LARGE1: variants seen among roughly 807,000 people sequenced by gnomAD.
The protein encoded by LARGE1 is xylosyl- and glucuronyltransferase LARGE1.
In LARGE1, 43 loss-of-function variants were observed where a neutral mutation model predicts 87.6. The ratio of observed to expected loss-of-function variants is 0.49; its 90% CI spans 0.38 to 0.63. The LOEUF (loss-of-function observed/expected upper bound fraction) is 0.63, where lower values mean the gene tolerates loss of function less well. Ranked by LOEUF, LARGE1 falls within the 30% of genes least tolerant of loss-of-function variation. The pLI is 0.00. For missense variants in LARGE1, 802 were observed against 1,000.2 expected, an observed-to-expected ratio of 0.80 and a Z score of 2.67; for synonymous variants, 434 against 394.6, an observed-to-expected ratio of 1.10 and a Z score of -1.18.
rs539990533 is a variant in LARGE1 at position 33,359,560 on chromosome 22, C to CTTTTTTTTTTT, written c.1132-21770_1132-21760dup. 1.4e-4 allele frequency among the ~76,000 whole-genome samples: 17 copies of CTTTTTTTTTTT among 119,232 alleles called. 1 individual carries two copies. The highest frequency in any genetic ancestry group is 5.3e-4 in the African/African-American group (17 of 32,210). 78.2% of individuals were successfully genotyped at this position (119,232 alleles called of 152,430 possible). On this transcript the variant is annotated intron_variant, in intron 9 of 14. Coordinates refer to ENST00000397394, the MANE Select transcript of LARGE1 (RefSeq NM_133642.5). ...GAACGACCCTGTATGGCAGACTCAT[C>CTTTTTTTTTTT]TTTTTTTTTTTTTTTTTTTTTGAGA...
intron 5 of LARGE1, chr22:33,572,305 T>C (rs2078230125): frequency 2.8e-6 from 2 of 711,592 alleles, no homozygotes; most frequent in Non-Finnish European, 1.9e-6. Flanking sequence ...CAGAGTATAA[T>C]TGTTAAGAAA....
chr22:33,089,364 T>TCC, the LARGE1 span, among the ~76,000 whole-genome samples: 2 of 70,558 alleles, frequency 2.8e-5, no homozygotes, highest in African/African-American at 1.3e-4. Flanking sequence ...CTTCTTCTTC[T>TCC]TCTTCTCCTT....
chr22:33,139,284 A>G, the LARGE1 span, among the ~76,000 whole-genome samples: 5 of 152,160 alleles, frequency 3.3e-5, no homozygotes, highest in Admixed American at 3.3e-4. Flanking sequence ...GCATTTTTCC[A>G]TGTGCTTGTT....
chr22:33,535,352 C>T (rs745788818), intron 6 of LARGE1, among the ~76,000 whole-genome samples: 1 of 152,040 alleles, frequency 6.6e-6, no homozygotes, highest in South Asian at 2.1e-4. Context: ...GAGATCAGCC[C>T]GGCCAACATG....
At chr22:33,898,602 A>T (rs2064686573) in intron 1 of LARGE1, among the ~76,000 whole-genome samples, 1 of 152,306 alleles carries the variant, frequency 6.6e-6, no homozygotes, top group Non-Finnish European at 1.5e-5. Flanking sequence ...TAAAAATAGA[A>T]AATTAGCTGG....
intron 6 of LARGE1, among the ~76,000 whole-genome samples, chr22:33,442,165 A>G (rs1297676965): frequency 6.6e-6 from 1 of 152,204 alleles, no homozygotes; most frequent in Non-Finnish European, 1.5e-5. Context: ...TAATCAAAAC[A>G]GAAATGAGCT....
chr22:33,597,435 AC>A (rs1327495438), intron 5 of LARGE1, among the ~76,000 whole-genome samples: 5 of 152,040 alleles, frequency 3.3e-5, no homozygotes, highest in Non-Finnish European at 7.4e-5. Flanking sequence ...CAGTTTACCC[AC>A]CCCCTACATG....
At chr22:33,175,371 G>C (rs1202559862) in intron 11 of LARGE1, among the ~76,000 whole-genome samples, 1 of 152,148 alleles carries the variant, frequency 6.6e-6, no homozygotes, top group Non-Finnish European at 1.5e-5. Context: ...AATTGTCTCT[G>C]TTTGCAGATG....
chr22:33,754,625 C>T (rs945499383), intron 2 of LARGE1, among the ~76,000 whole-genome samples: 10 of 152,280 alleles, frequency 6.6e-5, no homozygotes, highest in Admixed American at 4.6e-4. Context: ...CGTGAGCCAC[C>T]GTGCCCGGCC....
intron 5 of LARGE1, among the ~76,000 whole-genome samples, chr22:33,596,564 C>T (rs1171047235): frequency 6.6e-6 from 1 of 152,178 alleles, no homozygotes; most frequent in African/African-American, 2.4e-5. Flanking sequence ...CCGAATAACA[C>T]AGGACCACAA....
intron 1 of LARGE1, among the ~76,000 whole-genome samples, chr22:33,844,722 CTTT>C (rs748137716): frequency 7.0e-6 from 1 of 142,324 alleles, no homozygotes; most frequent in Non-Finnish European, 1.5e-5. Flanking sequence ...GGTTTCCAAA[CTTT>C]TTTTTTTTTT....
intron 6 of LARGE1, among the ~76,000 whole-genome samples, chr22:33,556,307 AAG>A (rs2077674879): frequency 6.6e-6 from 1 of 152,038 alleles, no homozygotes; most frequent in South Asian, 2.1e-4. Context: ...AACAGACTTA[AAG>A]AGTTTTATGA....
chr22:33,090,348 A>G, the LARGE1 span, among the ~76,000 whole-genome samples: 1 of 152,244 alleles, frequency 6.6e-6, no homozygotes, highest in African/African-American at 2.4e-5. Flanking sequence ...AAGCACTGAA[A>G]AAAAATGAGC....
chr22:33,139,422 T>C, the LARGE1 span, among the ~76,000 whole-genome samples: 8 of 152,298 alleles, frequency 5.3e-5, no homozygotes, highest in South Asian at 1.0e-3. Flanking sequence ...CCTTTACACA[T>C]TTGTCAGTTC....
intron 12 of LARGE1, among the ~76,000 whole-genome samples, chr22:33,301,233 T>C (rs1313320054): frequency 6.6e-6 from 1 of 152,140 alleles, no homozygotes; most frequent in Non-Finnish European, 1.5e-5. Context: ...TATGATTATG[T>C]CATATGAAAA....
At chr22:33,314,980 T>A (rs1235800048) in intron 11 of LARGE1, among the ~76,000 whole-genome samples, 1 of 152,046 alleles carries the variant, frequency 6.6e-6, no homozygotes, top group Non-Finnish European at 1.5e-5. Context: ...GAAGCTCAGG[T>A]GGGAGGATCA....
intron 7 of LARGE1, among the ~76,000 whole-genome samples, chr22:33,413,256 GAA>G (rs979371577): frequency 1.3e-5 from 2 of 152,056 alleles, no homozygotes; most frequent in African/African-American, 4.8e-5. Flanking sequence ...CACTCTTTCT[GAA>G]AGAGTGGTAT....
chr22:33,591,177 G>T (rs2078830009), intron 5 of LARGE1, among the ~76,000 whole-genome samples: 1 of 152,214 alleles, frequency 6.6e-6, no homozygotes, highest in Non-Finnish European at 1.5e-5. Flanking sequence ...CTCCAGCCTG[G>T]GCAAAGAGTG....
chr22:33,283,889 AAG>A (rs1427266712), intron 12 of LARGE1, among the ~76,000 whole-genome samples: 1 of 151,874 alleles, frequency 6.6e-6, no homozygotes, highest in African/African-American at 2.4e-5. Flanking sequence ...AAGAAAGAAA[AAG>A]TAAAGAAAGA....
Sources: gnomAD v4.1 joint callset for allele counts (sites outside exome capture counted in the v4.1 genomes callset) on GRCh38, gnomAD v4.1.1 for gene constraint, MANE v1.5 for transcripts, NCBI Gene and HGNC (gene_info 2026-07-23, HGNC 2026-07-21) for gene names.